The following EGFR variants were observed in gnomAD, a reference collection of about 807,000 sequenced individuals.
EGFR encodes avian erythroblastic leukemia viral (v-erb-b) oncogene homolog.
Under a neutral mutation model 143.0 loss-of-function variants are expected in EGFR, and 58 were observed. That is an observed-to-expected ratio of 0.41 (90% CI 0.33 to 0.50). The LOEUF (loss-of-function observed/expected upper bound fraction) is 0.50, where lower values mean the gene tolerates loss of function less well. EGFR is among the 20% of genes least tolerant of loss of function. The probability of loss-of-function intolerance (pLI) is 0.39; values close to 1 mark genes in which losing one functional copy is unlikely to be tolerated. For synonymous variants in EGFR, 613 were observed against 594.4 expected (o/e 1.03, Z -0.45); for missense variants, 1,307 against 1,579.0 (o/e 0.83, Z 2.92).
At position 55,121,076 on chromosome 7, in the gene EGFR, C is replaced by T. The variant is rs17336212; in HGVS notation, c.89-21210C>T. On this transcript the variant is annotated intron_variant, in intron 1 of 27. Transcript: ENST00000275493. ...GCCTGGAAGATTCCATGAACTAAAT[C>T]CAAGTCTTACAACACAGGGAAGTGT... 1.7e-3 allele frequency among the ~76,000 whole-genome samples: 255 copies of T among 152,256 alleles called. 1 individual carries two copies. The highest frequency in any genetic ancestry group is 5.7e-3 in the African/African-American group (235 of 41,546).
chr7:55,086,786 C>T (rs1790787309), intron 1 of EGFR, among the ~76,000 whole-genome samples: 1 of 152,246 alleles, frequency 6.6e-6, no homozygotes, highest in Admixed American at 6.5e-5. Context: ...TTTGACGACC[C>T]ATGGGAGAAC....
At chr7:55,193,592 C>T (rs886370568) in intron 22 of EGFR, among the ~76,000 whole-genome samples, 2 of 152,156 alleles carry the variant, frequency 1.3e-5, no homozygotes, top group African/African-American at 4.8e-5. Context: ...TTGAATTTCA[C>T]CCAGCAACTT....
chr7:55,045,102 A>G (rs1411118797), intron 1 of EGFR, among the ~76,000 whole-genome samples: 1 of 152,230 alleles, frequency 6.6e-6, no homozygotes, highest in Non-Finnish European at 1.5e-5. Context: ...CAAAACCTGC[A>G]TCACCTCCAG....
At position 55,201,218 on chromosome 7, in the gene EGFR, A is replaced by G. The variant is rs2128971521; in HGVS notation, c.2977A>G (p.Thr993Ala). The change falls in exon 25 of 28, where the codon ACA becomes GCA. Residue 993 changes from threonine to alanine, a missense_variant. Coordinates refer to ENST00000275493, the MANE Select transcript of EGFR (RefSeq NM_005228.5). ...TGAAAGAATGCATTTGCCAAGTCCT[A>G]CAGACTCCAACTTCTACCGTGCCCT... ...GDERMHLPSPTDSNFYRALMD... is the reference protein window; with the variant it reads ...GDERMHLPSPADSNFYRALMD... 3 of 1,614,186 alleles carry G rather than the reference A, an allele frequency of 1.9e-6. No homozygotes were observed. The highest frequency in any genetic ancestry group is 2.5e-6 in the Non-Finnish European group (3 of 1,180,042).
At chr7:55,045,554 G>A (rs796834928) in intron 1 of EGFR, among the ~76,000 whole-genome samples, 12 of 152,228 alleles carry the variant, frequency 7.9e-5, no homozygotes, top group Admixed American at 2.0e-4. Context: ...CTATACTCAC[G>A]GTGGGTTCTT....
chr7:55,051,930 T>C (rs2128874503), intron 1 of EGFR, among the ~76,000 whole-genome samples: 1 of 152,350 alleles, frequency 6.6e-6, no homozygotes, highest in Non-Finnish European at 1.5e-5. Context: ...TGCAGAATTA[T>C]TAGTTTGCTC....
intron 1 of EGFR, among the ~76,000 whole-genome samples, chr7:55,081,582 A>G (rs987995621): frequency 6.6e-6 from 1 of 152,204 alleles, no homozygotes; most frequent in African/African-American, 2.4e-5. Context: ...CGGTCTCTCC[A>G]TAGCTAAAGC....
At chr7:55,192,881 C>T (rs772920271) in intron 22 of EGFR, 40 bp downstream of exon 22, 1 of 1,577,172 alleles carries the variant, frequency 6.3e-7, no homozygotes, top group Non-Finnish European at 8.7e-7. Context: ...TGTACTGAGG[C>T]CAAGCTGGCT....
chr7:55,163,647 G>C, intron 13 of EGFR, 86 bp from the exon 14 acceptor site: 1 of 1,180,084 alleles, frequency 8.5e-7, no homozygotes, highest in Non-Finnish European at 1.3e-6. Context: ...ATTACCTCAA[G>C]TTATTTGGAA....
In EGFR at chr7:55,168,486, G is replaced by A. The variant is rs771581875; in HGVS notation, c.1881-2689G>A. ...GTCAAGATTTAAATTAAAAATGTTA[G>A]TGGTCATTTTTCTAATGTCTTTCTA... On this transcript the variant is annotated intron_variant, in intron 15 of 27. Transcript: ENST00000275493. 1.5e-5 allele frequency: 17 copies of A among 1,149,824 alleles called. No individual in the cohort carries two copies. In the South Asian group the frequency reaches 2.0e-4, roughly 13 times the overall value. The allele number at this position is 1,149,824 out of a possible 1,614,324, so 71.2% of individuals were successfully genotyped here.
chr7:55,201,688 G>C (rs745729521), intron 25 of EGFR, 47 bp from the exon 26 acceptor site: 20 of 1,610,492 alleles, frequency 1.2e-5, no homozygotes, highest in Non-Finnish European at 1.7e-5. Flanking sequence ...AAGTGGATGA[G>C]ATGTGGTACA....
At chr7:55,170,883 G>C (rs1786315973) in intron 15 of EGFR, 1 of 1,412,118 alleles carries the variant, frequency 7.1e-7, no homozygotes, top group Admixed American at 2.9e-5. Flanking sequence ...ACAATTATCT[G>C]TGTCAAAAGC....
Position 55,205,334 on chromosome 7 carries a change from C to G in EGFR, c.3350C>G (p.Pro1117Arg), listed in dbSNP as rs1442620290. Reference protein sequence around the residue: ...NPVYHNQPLNPAPSRDPHYQD... With the variant: ...NPVYHNQPLNRAPSRDPHYQD... ...GTCTATCACAATCAGCCTCTGAACCCCGCGCCCAGCAGAGACCCACACTAC... is the reference window on the plus strand; with the variant it reads ...GTCTATCACAATCAGCCTCTGAACCGCGCGCCCAGCAGAGACCCACACTAC... The change falls in exon 28 of 28, where the codon CCC (proline) becomes CGC (arginine). Residue 1117 changes from proline to arginine, a missense_variant. Around this residue, in one of 7 missense-constraint regions of EGFR, gnomAD observed 313 missense variants for 312.3 expected, o/e 1.00. Coordinates refer to ENST00000275493, the MANE Select transcript of EGFR (RefSeq NM_005228.5). 4 of 1,611,562 alleles carry G rather than the reference C, an allele frequency of 2.5e-6. No homozygotes were observed. Among genetic ancestry groups the G allele is most frequent in the Non-Finnish European group, 3.4e-6 (4 of 1,178,728 alleles).
At chr7:55,103,810 G>T (rs1049119598) in intron 1 of EGFR, among the ~76,000 whole-genome samples, 3 of 152,180 alleles carry the variant, frequency 2.0e-5, no homozygotes, top group Non-Finnish European at 4.4e-5. Flanking sequence ...ATGCCTACCA[G>T]ACATGACATG....
In EGFR at chr7:55,170,560, G is replaced by T. The variant is rs17290225; in HGVS notation, c.1881-615G>T. The T allele has an allele frequency of 2.5e-3, 4,110 of 1,612,370 alleles. 92 individuals carry two copies. In the African/African-American group the frequency reaches 0.047, roughly 19 times the overall value. ...CTGCCACTGAGCCTCATGCCTTCAC[G>T]TGTCTGTTCCCCCCGCTTTTCCTTT... On this transcript the variant is annotated intron_variant, in intron 15 of 27. Transcript: ENST00000275493.
intron 1 of EGFR, among the ~76,000 whole-genome samples, chr7:55,095,153 A>T (rs1791376601): frequency 6.6e-6 from 1 of 152,210 alleles, no homozygotes. Flanking sequence ...TAAGTGCAAA[A>T]GCTGGAAAAG....
intron 11 of EGFR, among the ~76,000 whole-genome samples, chr7:55,159,081 T>C (rs1785568935): frequency 6.6e-6 from 1 of 152,158 alleles, no homozygotes; most frequent in Admixed American, 6.5e-5. Context: ...TCCTTCTCAA[T>C]TACAGACAGC....
chr7:55,077,829 C>T (rs1210023303), intron 1 of EGFR, among the ~76,000 whole-genome samples: 1 of 152,166 alleles, frequency 6.6e-6, no homozygotes, highest in Non-Finnish European at 1.5e-5. Context: ...CAGATGCAGG[C>T]CCGTCTTTTC....
At chr7:55,114,222 A>G (rs950359425) in intron 1 of EGFR, among the ~76,000 whole-genome samples, 1 of 152,252 alleles carries the variant, frequency 6.6e-6, no homozygotes, top group Non-Finnish European at 1.5e-5. Context: ...ATATCCTGAG[A>G]TATTTCCTAT....
Sources: gnomAD v4.1 joint callset for allele counts (sites outside exome capture counted in the v4.1 genomes callset) on GRCh38, gnomAD v4.1.1 for gene constraint, gnomAD v4.1.1 regional missense constraint, MANE v1.5 for transcripts, NCBI Gene and HGNC (gene_info 2026-07-23, HGNC 2026-07-21) for gene names.